Variants in TMCC1 observed in about 807,000 individuals in gnomAD.
TMCC1 encodes the protein transmembrane and coiled-coil domains protein 1.
Under a neutral mutation model 52.4 loss-of-function variants are expected in TMCC1, and 15 were observed. That is an observed-to-expected ratio of 0.29 (90% CI 0.19 to 0.44). The LOEUF (loss-of-function observed/expected upper bound fraction) is 0.44, where lower values mean the gene tolerates loss of function less well. TMCC1 is among the 20% of genes least tolerant of loss of function. TMCC1 has a pLI of 1.00. For missense variants in TMCC1, 503 were observed against 806.0 expected (o/e 0.62, Z 4.55); for synonymous variants, 279 against 301.9 (o/e 0.92, Z 0.79).
intron 2 of TMCC1, among the ~76,000 whole-genome samples, chr3:129,859,182 C>A (rs957325127): frequency 2.0e-5 from 3 of 152,060 alleles, no homozygotes; most frequent in African/African-American, 7.2e-5. Context: ...AAATCTTACT[C>A]AAGGAGAAAA....
intron 4 of TMCC1, among the ~76,000 whole-genome samples, chr3:129,798,216 G>A (rs2056969562): frequency 6.6e-6 from 1 of 151,880 alleles, no homozygotes; most frequent in South Asian, 2.1e-4. Flanking sequence ...GGCTGGTCTC[G>A]AACTCCTGAC....
intron 4 of TMCC1, among the ~76,000 whole-genome samples, chr3:129,706,678 A>T (rs187994630): frequency 1.3e-3 from 205 of 152,376 alleles, no homozygotes; most frequent in African/African-American, 4.0e-3. Flanking sequence ...AAGTGAAATT[A>T]GGACCAAGAG....
At chr3:129,873,624 T>C (rs1396503258) in intron 2 of TMCC1, among the ~76,000 whole-genome samples, 1 of 152,084 alleles carries the variant, frequency 6.6e-6, no homozygotes, top group Non-Finnish European at 1.5e-5. Context: ...AGGCTGCAGT[T>C]AGCTACGATC....
At chr3:129,705,134 T>G (rs2048124239) in intron 4 of TMCC1, among the ~76,000 whole-genome samples, 1 of 152,148 alleles carries the variant, frequency 6.6e-6, no homozygotes, top group African/African-American at 2.4e-5. Flanking sequence ...GCTGTGCAAA[T>G]GGCATCAGGG....
At chr3:129,833,504 A>G (rs933350170) in intron 2 of TMCC1, among the ~76,000 whole-genome samples, 3 of 152,166 alleles carry the variant, frequency 2.0e-5, no homozygotes, top group Non-Finnish European at 4.4e-5. Flanking sequence ...CCGGAGCTGG[A>G]GATTACAGCG....
chr3:129,754,053 T>C (rs1480643648), intron 4 of TMCC1, among the ~76,000 whole-genome samples: 1 of 151,850 alleles, frequency 6.6e-6, no homozygotes, highest in Non-Finnish European at 1.5e-5. Context: ...ACAAGGTCAA[T>C]ATACAAAAGT....
chr3:129,684,721 C>T (rs761028926), intron 4 of TMCC1, among the ~76,000 whole-genome samples: 19 of 152,090 alleles, frequency 1.2e-4, no homozygotes, highest in Non-Finnish European at 2.5e-4. Context: ...ATAAAAGGGA[C>T]GGATTCAGGA....
rs56911520 is a variant in TMCC1 at position 129,692,345 on chromosome 3, G to A, written c.577-21081C>T. ...GCTTAAATATCTCCAGGATCTTATG[G>A]TAATTTAAAAATCACAGACTAATGT... On this transcript the variant is annotated intron_variant, in intron 4 of 6. Transcript: ENST00000393238. 3.6e-3 allele frequency among the ~76,000 whole-genome samples: 555 copies of A among 152,216 alleles called. 2 individuals are homozygous for A. Among genetic ancestry groups the A allele is most frequent in the African/African-American group, 0.012 (499 of 41,552 alleles).
intron 4 of TMCC1, among the ~76,000 whole-genome samples, chr3:129,799,918 G>GTT (rs1200567182): frequency 1.3e-5 from 2 of 151,924 alleles, no homozygotes; most frequent in East Asian, 3.8e-4. Context: ...CACATTCACT[G>GTT]TTATATATAT....
chr3:129,706,021 G>C (rs2048207412), intron 4 of TMCC1, among the ~76,000 whole-genome samples: 2 of 151,476 alleles, frequency 1.3e-5, no homozygotes, highest in South Asian at 4.2e-4. Flanking sequence ...CTCCCAAGTA[G>C]CTGGGATTAC....
chr3:129,822,056 C>T (rs563408975), intron 4 of TMCC1, among the ~76,000 whole-genome samples: 6 of 152,160 alleles, frequency 3.9e-5, no homozygotes. Context: ...GAGTGAGACC[C>T]TGTCTCAAAT....
chr3:129,754,487 C>T (rs1472095818), intron 4 of TMCC1, among the ~76,000 whole-genome samples: 6 of 152,106 alleles, frequency 3.9e-5, no homozygotes, highest in Non-Finnish European at 7.3e-5. Flanking sequence ...ACAATCAATA[C>T]AGGGTAATAC....
chr3:129,832,254 T>C (rs1486447498), intron 3 of TMCC1, among the ~76,000 whole-genome samples: 2 of 152,224 alleles, frequency 1.3e-5, no homozygotes, highest in African/African-American at 4.8e-5. Flanking sequence ...TGGCTACTCT[T>C]TTATTCACTC....
intron 2 of TMCC1, among the ~76,000 whole-genome samples, chr3:129,844,248 C>G (rs1480561126): frequency 6.6e-6 from 1 of 151,878 alleles, no homozygotes; most frequent in Non-Finnish European, 1.5e-5. Flanking sequence ...CAAAAATCTA[C>G]AAAATCTAGT....
chr3:129,865,695 T>C (rs1167414108), intron 2 of TMCC1, among the ~76,000 whole-genome samples: 1 of 152,088 alleles, frequency 6.6e-6, no homozygotes, highest in Non-Finnish European at 1.5e-5. Flanking sequence ...TGAACACTCT[T>C]AAGGTTCAAC....
chr3:129,876,541 C>A (rs2061223514), intron 2 of TMCC1, among the ~76,000 whole-genome samples: 1 of 152,060 alleles, frequency 6.6e-6, no homozygotes, highest in South Asian at 2.1e-4. Context: ...TGCCTATAAT[C>A]TCAGCATTTT....
At chr3:129,770,990 C>T (rs181586678) in intron 4 of TMCC1, among the ~76,000 whole-genome samples, 13 of 152,270 alleles carry the variant, frequency 8.5e-5, no homozygotes, top group African/African-American at 2.6e-4. Context: ...TAAGAAAATA[C>T]GTGTTAATAT....
chr3:129,870,088 T>C (rs1352661071), intron 2 of TMCC1, among the ~76,000 whole-genome samples: 2 of 152,204 alleles, frequency 1.3e-5, no homozygotes, highest in Non-Finnish European at 2.9e-5. Context: ...ATCCTCAAAA[T>C]ATGTTCTTGA....
At chr3:129,670,112 A>G (rs1433293950) in intron 5 of TMCC1, among the ~76,000 whole-genome samples, 1 of 152,238 alleles carries the variant, frequency 6.6e-6, no homozygotes, top group Non-Finnish European at 1.5e-5. Flanking sequence ...GAAATACTTT[A>G]GAAAGCTTGG....
Sources: gnomAD v4.1 joint callset for allele counts (sites outside exome capture counted in the v4.1 genomes callset) on GRCh38, gnomAD v4.1.1 for gene constraint, MANE v1.5 for transcripts, NCBI Gene and HGNC (gene_info 2026-07-23, HGNC 2026-07-21) for gene names.